The following SLC25A53 variants were observed in gnomAD, a reference collection of about 807,000 sequenced individuals.
The protein encoded by SLC25A53 is mitochondrial carrier triple repeat protein 6.
A neutral mutation model predicts 15.0 loss-of-function variants in SLC25A53; 5 were observed. The ratio of observed to expected loss-of-function variants is 0.33; its 90% CI spans 0.17 to 0.70. The LOEUF is 0.70. Among genes scored for constraint, SLC25A53 ranks in the 30% least tolerant of loss-of-function variants. The pLI is 0.67. For missense variants in SLC25A53, 216 were observed against 241.6 expected, an observed-to-expected ratio of 0.89 and a Z score of 0.70; for synonymous variants, 95 against 100.0, an observed-to-expected ratio of 0.95 and a Z score of 0.30.
intron 1 of SLC25A53, among the ~76,000 whole-genome samples, chrX:104,120,634 T>C (rs1335313558): frequency 4.5e-5 from 5 of 111,911 alleles, no homozygotes; most frequent in African/African-American, 1.3e-4. Flanking sequence ...CTGTGAATGA[T>C]GGTAGTTTTA....
At chrX:104,148,243 T>C (rs1273616214) in intron 1 of SLC25A53, among the ~76,000 whole-genome samples, 6 of 106,082 alleles carry the variant, frequency 5.7e-5, no homozygotes, top group East Asian at 3.0e-4. Context: ...TAGGTGGGAA[T>C]TGAACAATGA....
chrX:104,134,874 T>C (rs1168771637), intron 1 of SLC25A53, among the ~76,000 whole-genome samples: 1 of 111,156 alleles, frequency 9.0e-6, no homozygotes, highest in Non-Finnish European at 1.9e-5. Flanking sequence ...CTTCAATGAT[T>C]CTTCCTTTCC....
rs1482874687 is a variant in SLC25A53, at chrX:104,137,007, T to C, written c.-32+19871A>G. ...ATAATATTTAATATTTGTTGAGCAC[T>C]GAATACTGTATCTGTATTATCCCAT... On this transcript the variant is annotated intron_variant, in intron 1 of 1. Transcript: ENST00000594199. Among the ~76,000 whole-genome samples the C allele has an allele frequency of 3.6e-5, 4 of 111,592 alleles. No individual in the cohort carries two copies. The East Asian group carries it at 1.1e-3, about 31-fold the overall frequency.
At chrX:104,124,332 CAT>C (rs782564801) in intron 1 of SLC25A53, among the ~76,000 whole-genome samples, 1 of 112,034 alleles carries the variant, frequency 8.9e-6, no homozygotes, top group Non-Finnish European at 1.9e-5. Context: ...AGATTTTTTT[CAT>C]ATGTTTTTTG....
At chrX:104,147,230 TG>T (rs1313252325) in intron 1 of SLC25A53, among the ~76,000 whole-genome samples, 6 of 111,216 alleles carry the variant, frequency 5.4e-5, no homozygotes, top group African/African-American at 1.6e-4. Context: ...TAAATGGTGC[TG>T]GGAAAACTGG....
intron 1 of SLC25A53, among the ~76,000 whole-genome samples, chrX:104,139,278 G>A (rs1180863661): frequency 8.9e-6 from 1 of 112,358 alleles, no homozygotes; most frequent in African/African-American, 3.2e-5. Flanking sequence ...AGCACTCTGG[G>A]AGACTGAGCC....
chrX:104,139,788 T>G (rs1260827509), intron 1 of SLC25A53, among the ~76,000 whole-genome samples: 5 of 112,375 alleles, frequency 4.4e-5, no homozygotes, highest in African/African-American at 1.6e-4. Flanking sequence ...CACTCCAGCC[T>G]GGCGACAGAG....
chrX:104,121,876 TATATATATATATATATATATATA>T lies in SLC25A53; in HGVS notation c.-31-16611_-31-16589del, dbSNP rs1488427906. ...CTAGACATCACATCAAATGGTATGA[TATATATATATATATATATATATA>T]TATATATATATATATATATATATAT... On this transcript the variant is annotated intron_variant, in intron 1 of 1. Transcript: ENST00000594199. 3.8e-3 allele frequency among the ~76,000 whole-genome samples: 190 copies of T among 49,781 alleles called. 15 individuals carry two copies. Among genetic ancestry groups the T allele is most frequent in the African/African-American group, 0.01 (115 of 11,306 alleles). 43.2% of individuals were successfully genotyped at this position (49,781 alleles called of 115,157 possible).
intron 1 of SLC25A53, among the ~76,000 whole-genome samples, chrX:104,131,766 T>C (rs1186405655): frequency 9.0e-6 from 1 of 111,675 alleles, no homozygotes; most frequent in African/African-American, 3.3e-5. Context: ...TAGCCTCATC[T>C]ATCACTTATC....
intron 1 of SLC25A53, 46 bp downstream of exon 1, chrX:104,156,832 A>C (rs1478906733): frequency 1.8e-5 from 2 of 111,571 alleles, no homozygotes; most frequent in Non-Finnish European, 3.8e-5. Flanking sequence ...GCTAGGCTGG[A>C]AGCAGGATGT....
intron 1 of SLC25A53, chrX:104,115,462 C>A: frequency 1.8e-6 from 1 of 553,285 alleles, no homozygotes; most frequent in Non-Finnish European, 2.9e-6. Flanking sequence ...AGAGGTCTTG[C>A]ATACCAGCAC....
intron 1 of SLC25A53, among the ~76,000 whole-genome samples, chrX:104,129,860 ATGTGTGTGTGTGTGTG>A (rs60729916): frequency 8.9e-5 from 8 of 89,983 alleles, no homozygotes; most frequent in East Asian, 7.2e-4. Flanking sequence ...ACACAAATGT[ATGTGTGTGTGTGTGTG>A]TGTGTGTGTG....
rs1274157044 is a variant in SLC25A53, at chrX:104,099,834, A to G, written c.*4500T>C. The G allele has an allele frequency of 9.0e-6, 1 of 111,315 alleles. No homozygotes were observed. Among genetic ancestry groups the G allele is most frequent in the Non-Finnish European group, 1.9e-5 (1 of 53,054 alleles). The allele number at this position is 111,315 out of a possible 1,213,427, so 9.2% of individuals were successfully genotyped here. ...TATTACATGGGTGATGGCTTTGTAA[A>G]TGTTCTTTAAACTGGCAGTTCTCTT... On this transcript the variant is annotated 3_prime_UTR_variant, in exon 2 of 2. Coordinates refer to ENST00000594199, the MANE Select transcript of SLC25A53 (RefSeq NM_001012755.5).
At position 104,104,636 on chromosome X, in the gene SLC25A53, G is replaced by A; in HGVS notation, c.622C>T (p.Leu208=). The change falls in exon 2 of 2, where the codon CTG becomes TTG. Residue 208 remains leucine, a synonymous_variant. Coordinates refer to ENST00000594199, the MANE Select transcript of SLC25A53 (RefSeq NM_001012755.5). The part of the protein sequence containing the change: ...PIQDGLAEQG[L]PHWVPALVSG... ...ACCAAGGCAGGAACCCAGTGGGGCA[G>A]GCCTTGCTCTGCCAGGCCATCCTGG... The A allele has an allele frequency of 8.3e-7, 1 of 1,211,837 alleles. No homozygotes were observed. The highest frequency in any genetic ancestry group is 1.1e-6 in the Non-Finnish European group (1 of 895,499).
At chrX:104,135,404 C>T (rs782500839) in intron 1 of SLC25A53, among the ~76,000 whole-genome samples, 64 of 110,671 alleles carry the variant, frequency 5.8e-4, no homozygotes, top group African/African-American at 1.9e-3. Context: ...ATGTCCAAAA[C>T]CGAACTCGTG....
At chrX:104,150,504 A>G (rs185861399) in intron 1 of SLC25A53, among the ~76,000 whole-genome samples, 59 of 111,793 alleles carry the variant, frequency 5.3e-4, no homozygotes, top group African/African-American at 1.8e-3. Context: ...GACAAGGCCA[A>G]TATGTGACCA....
At chrX:104,155,551 G>T (rs1464377685) in intron 1 of SLC25A53, among the ~76,000 whole-genome samples, 1 of 111,459 alleles carries the variant, frequency 9.0e-6, no homozygotes, top group Non-Finnish European at 1.9e-5. Context: ...TTCTTTTCTT[G>T]TTCAGAGAAA....
rs782395672 is a variant in SLC25A53, at chrX:104,104,733, A to G, written c.525T>C (p.Tyr175=). ...GLWGRLSLGY[Y]RGFWPVLARN... ...TGGCCAGGACAGGCCAGAAACCACG[A>G]TAGTAGCCCAGTGACAGCCGCCCCC... The change falls in exon 2 of 2, where the codon TAT becomes TAC. Residue 175 remains tyrosine, a synonymous_variant. Transcript: ENST00000594199. 4 of 1,209,617 alleles carry G rather than the reference A, an allele frequency of 3.3e-6. No homozygotes were observed. The highest frequency in any genetic ancestry group is 4.5e-6 in the Non-Finnish European group (4 of 895,189).
At position 104,121,876 on chromosome X, in the gene SLC25A53, T is replaced by TTCATGTTC. The variant is rs1388840859; in HGVS notation, c.-31-16589_-31-16588insGAACATGA. On this transcript the variant is annotated intron_variant, in intron 1 of 1. Coordinates refer to ENST00000594199, the MANE Select transcript of SLC25A53 (RefSeq NM_001012755.5). ...CTAGACATCACATCAAATGGTATGATATATATATATATATATATATATATA... is the reference window on the plus strand; with the variant it reads ...CTAGACATCACATCAAATGGTATGATTCATGTTCATATATATATATATATATATATATA... 4.0e-5 allele frequency among the ~76,000 whole-genome samples: 2 copies of TTCATGTTC among 49,811 alleles called. 1 individual carries two copies. Among genetic ancestry groups the TTCATGTTC allele is most frequent in the Non-Finnish European group, 7.2e-5 (2 of 27,624 alleles). 43.3% of individuals were successfully genotyped at this position (49,811 alleles called of 115,157 possible). A position where few individuals can be genotyped will look rare whatever the true frequency, so the allele number is the denominator to read the frequency against.
Sources: allele counts gnomAD v4.1 joint callset (sites outside exome capture counted in the v4.1 genomes callset), GRCh38; gene constraint gnomAD v4.1.1; transcripts MANE v1.5; gene names NCBI Gene and HGNC (gene_info 2026-07-23, HGNC 2026-07-21).